ANKS6: variants seen among roughly 807,000 people sequenced by gnomAD.
ANKS6 encodes the protein ankyrin repeat and SAM domain-containing protein 6.
A neutral mutation model predicts 77.9 loss-of-function variants in ANKS6; 47 were observed. That is an observed-to-expected ratio of 0.60 (90% CI 0.48 to 0.77). The LOEUF (loss-of-function observed/expected upper bound fraction) is 0.77, where lower values mean the gene tolerates loss of function less well. Among genes scored for constraint, ANKS6 ranks in the 30% least tolerant of loss-of-function variants. The pLI, the probability that ANKS6 is intolerant of heterozygous loss-of-function variation, is 0.00. For missense variants in ANKS6, 1,150 were observed against 1,159.1 expected, an observed-to-expected ratio of 0.99 and a Z score of 0.11; for synonymous variants, 488 against 501.7, an observed-to-expected ratio of 0.97 and a Z score of 0.37.
At chr9:98,771,712 A>C (rs1588381968) in intron 9 of ANKS6, among the ~76,000 whole-genome samples, 1 of 146,488 alleles carries the variant, frequency 6.8e-6, no homozygotes. Flanking sequence ...CCCCATCCTT[A>C]CCCCACTCCT....
chr9:98,770,995 A>C lies in ANKS6; in HGVS notation c.1873T>G (p.Ser625Ala). 2 of 1,596,798 alleles carry C rather than the reference A, an allele frequency of 1.3e-6. No homozygotes were observed. Among genetic ancestry groups the C allele is most frequent in the Non-Finnish European group, 1.7e-6 (2 of 1,171,496 alleles). The change falls in exon 10 of 15, where the codon TCT becomes GCT. Residue 625 changes from serine (S) to alanine (A), a missense_variant. Ser to Ala is a moderately conservative substitution (Grantham distance 99). Transcript: ENST00000353234. ...FPSLPRSPAS[S>A]ANSGNFNHSP... Reference sequence around the variant, plus strand: ...TGGTTGAAGTTTCCAGAATTGGCAGAAGAGGCTGGGCTTCTGGGGAGGCTT... The same window carrying C: ...TGGTTGAAGTTTCCAGAATTGGCAGCAGAGGCTGGGCTTCTGGGGAGGCTT...
chr9:98,780,903 CTTTTTTTT>C lies in ANKS6; in HGVS notation c.1220-574_1220-567del, dbSNP rs201837649. On this transcript the variant is annotated intron_variant, in intron 5 of 14. Transcript: ENST00000353234. Reference sequence around the variant, plus strand: ...CAATGCTTTTTCTTGATGACTATTTCTTTTTTTTTTTTTTTGGAGACAGAGTCTTGCTC... The same window carrying C: ...CAATGCTTTTTCTTGATGACTATTTCTTTTTTTGGAGACAGAGTCTTGCTC... Among the ~76,000 whole-genome samples, 298 of 141,664 alleles carry C rather than the reference CTTTTTTTT, an allele frequency of 2.1e-3. 2 individuals are homozygous for C. Among genetic ancestry groups the C allele is most frequent in the Non-Finnish European group, 3.1e-3 (204 of 64,920 alleles). The allele number at this position is 141,664 out of a possible 152,430, so 92.9% of individuals were successfully genotyped here.
rs3933477 is a variant in ANKS6 at position 98,789,814 on chromosome 9, G to A, written c.862+290C>T. On this transcript the variant is annotated intron_variant, in intron 2 of 14. Transcript: ENST00000353234. Reference sequence around the variant, plus strand: ...GTTTGCCAAACCTTGTTGTAGAAGGGCCCCAGAACCACCTGCATCAGAATG... The same window carrying A: ...GTTTGCCAAACCTTGTTGTAGAAGGACCCCAGAACCACCTGCATCAGAATG... 0.62 allele frequency: 218,516 copies of A among 353,842 alleles called. 69,522 individuals carry two copies. The highest frequency in any genetic ancestry group is 0.74 in the African/African-American group (35,630 of 48,318). 21.9% of individuals were successfully genotyped at this position (353,842 alleles called of 1,614,324 possible). A position where few individuals can be genotyped will look rare whatever the true frequency, so the allele number is the denominator to read the frequency against.
chr9:98,756,855 C>T lies in ANKS6; in HGVS notation c.2143-252G>A, dbSNP rs576445200. Among the ~76,000 whole-genome samples the T allele has an allele frequency of 1.7e-4, 26 of 151,646 alleles. 1 individual carries two copies. In the South Asian group the frequency reaches 5.4e-3, roughly 32 times the overall value. On this transcript the variant is annotated intron_variant, in intron 11 of 14. Coordinates refer to ENST00000353234, the MANE Select transcript of ANKS6 (RefSeq NM_173551.5). ...ATATTATGAGTCAGGAACCACCCCG[C>T]TCCCCACCCCGCCCCGCTCCCCCAA...
chr9:98,764,637 C>T (rs77431653), intron 11 of ANKS6, among the ~76,000 whole-genome samples: 1,772 of 152,262 alleles, frequency 0.012, 33 homozygotes, highest in African/African-American at 0.041. Context: ...CTTTCCCTGG[C>T]GGCCTCAAGT....
intron 7 of ANKS6, 33 bp from the exon 8 acceptor site, chr9:98,777,487 C>T (rs764100165): frequency 1.4e-5 from 23 of 1,609,686 alleles, no homozygotes; most frequent in Middle Eastern, 1.6e-4. Context: ...CTGAAATGAC[C>T]CCTCCACGTG....
chr9:98,742,537 T>C (rs559723623), intron 14 of ANKS6, among the ~76,000 whole-genome samples: 2 of 152,372 alleles, frequency 1.3e-5, no homozygotes, highest in East Asian at 1.9e-4. Context: ...CAGAGGACTT[T>C]ATCTGGTATT....
At chr9:98,751,687 C>T (rs958729800) in intron 12 of ANKS6, among the ~76,000 whole-genome samples, 6 of 152,172 alleles carry the variant, frequency 3.9e-5, no homozygotes, top group African/African-American at 1.4e-4. Context: ...GGAGACAAAA[C>T]CAGCACCTGA....
At chr9:98,750,121 A>C (rs940277851) in intron 13 of ANKS6, among the ~76,000 whole-genome samples, 40 of 152,032 alleles carry the variant, frequency 2.6e-4, no homozygotes, top group African/African-American at 9.2e-4. Flanking sequence ...CATTTTCATC[A>C]CCCCCAAAAG....
intron 7 of ANKS6, 148 bp from the exon 8 acceptor site, chr9:98,777,602 A>G (rs1833990080): frequency 8.3e-6 from 6 of 721,488 alleles, no homozygotes; most frequent in Non-Finnish European, 1.2e-5. Context: ...ATTTTAATAG[A>G]AGGAAGGCAT....
At chr9:98,740,178 C>T (rs988935299) in intron 14 of ANKS6, among the ~76,000 whole-genome samples, 5 of 152,128 alleles carry the variant, frequency 3.3e-5, no homozygotes, top group Admixed American at 3.3e-4. Flanking sequence ...TTCATGGACT[C>T]CCCATAGCCC....
intron 9 of ANKS6, 50 bp downstream of exon 9, chr9:98,773,827 T>C (rs763224348): frequency 7.0e-6 from 10 of 1,430,142 alleles, no homozygotes; most frequent in Non-Finnish European, 9.2e-6. Flanking sequence ...CACACCATGA[T>C]CTCAGTGAGC....
chr9:98,745,415 C>T (rs181754777), intron 14 of ANKS6, 144 bp downstream of exon 14: 57 of 771,222 alleles, frequency 7.4e-5, no homozygotes, highest in Admixed American at 4.6e-4. Flanking sequence ...GGGGGAAGTC[C>T]GAAAAGGGAA....
chr9:98,777,562 TTAAA>T (rs1415161215), intron 7 of ANKS6, 108 bp from the exon 8 acceptor site: 5 of 895,762 alleles, frequency 5.6e-6, no homozygotes, highest in Non-Finnish European at 7.2e-6. Flanking sequence ...TCCTGGGTGC[TTAAA>T]TATTTAATAA....
Position 98,734,595 on chromosome 9 carries a change from G to C in ANKS6, c.*1924C>G. The C allele has an allele frequency of 1.0e-6, 1 of 985,058 alleles. No individual in the cohort carries two copies. Among genetic ancestry groups the C allele is most frequent in the Non-Finnish European group, 1.2e-6 (1 of 829,592 alleles). The allele number at this position is 985,058 out of a possible 1,614,324, so 61.0% of individuals were successfully genotyped here. On this transcript the variant is annotated 3_prime_UTR_variant, in exon 15 of 15. Coordinates refer to ENST00000353234, the MANE Select transcript of ANKS6 (RefSeq NM_173551.5). ...TATAGGAGTTAGTGGAAAAGGCACA[G>C]GCTTGCAAGCCCACCAGGTCCGGTT... is the stretch of plus-strand genomic sequence containing the variant.
chr9:98,748,792 A>T (rs927964505), intron 13 of ANKS6, among the ~76,000 whole-genome samples: 1 of 152,198 alleles, frequency 6.6e-6, no homozygotes. Flanking sequence ...TTTCAAATAC[A>T]CATAGTTAAA....
chr9:98,795,325 C>T (rs1371674944), intron 1 of ANKS6, among the ~76,000 whole-genome samples: 1 of 152,086 alleles, frequency 6.6e-6, no homozygotes, highest in Non-Finnish European at 1.5e-5. Flanking sequence ...GTAATTTTTC[C>T]AAAACGTAAC....
intron 7 of ANKS6, 95 bp downstream of exon 7, chr9:98,778,131 T>C (rs1834014647): frequency 2.1e-6 from 3 of 1,415,966 alleles, no homozygotes; most frequent in Admixed American, 2.1e-5. Flanking sequence ...AACATCATCT[T>C]ACCCCTGACA....
At chr9:98,761,039 T>A (rs962258544) in intron 11 of ANKS6, among the ~76,000 whole-genome samples, 17 of 152,234 alleles carry the variant, frequency 1.1e-4, no homozygotes, top group Admixed American at 4.6e-4. Context: ...TCCACATTTG[T>A]CACCAGCAAC....
Sources: gnomAD v4.1 joint callset for allele counts (sites outside exome capture counted in the v4.1 genomes callset) on GRCh38, gnomAD v4.1.1 for gene constraint, MANE v1.5 for transcripts, NCBI Gene and HGNC (gene_info 2026-07-23, HGNC 2026-07-21) for gene names.